IQSEC1: variants seen among roughly 807,000 people sequenced by gnomAD.
IQSEC1 encodes the protein IQ motif and SEC7 domain-containing protein 1.
IQSEC1 carries 31 observed loss-of-function variants against 91.0 expected under a neutral mutation model. That is an observed-to-expected ratio of 0.34 (90% CI 0.26 to 0.46). IQSEC1 has a LOEUF of 0.46. IQSEC1 is among the 20% of genes least tolerant of loss of function. IQSEC1 has a pLI of 1.00. For synonymous variants in IQSEC1, 699 were observed against 662.6 expected (o/e 1.05, Z -0.84); for missense variants, 1,388 against 1,575.6 (o/e 0.88, Z 2.02).
chr3:13,069,820 A>G (rs1467896846), intron 1 of IQSEC1, among the ~76,000 whole-genome samples: 1 of 152,242 alleles, frequency 6.6e-6, no homozygotes, highest in Non-Finnish European at 1.5e-5. Flanking sequence ...TCATTCAGAC[A>G]CCATTCATGA....
At chr3:13,082,213 C>A (rs1039718576) in intron 2 of IQSEC1, among the ~76,000 whole-genome samples, 7 of 152,182 alleles carry the variant, frequency 4.6e-5, no homozygotes, top group African/African-American at 1.7e-4. Context: ...ACGTGTCGGT[C>A]GGTTGTGACA....
chr3:13,131,564 G>T (rs181187477), intron 2 of IQSEC1, among the ~76,000 whole-genome samples: 224 of 130,156 alleles, frequency 1.7e-3, no homozygotes, highest in African/African-American at 6.2e-3. Flanking sequence ...TCAGCTCACC[G>T]CAACCTGTAG....
At position 12,901,364 on chromosome 3, in the gene IQSEC1, T is replaced by C; in HGVS notation, c.2964A>G (p.Ser988=). 6.5e-7 allele frequency: 1 copy of C among 1,535,098 alleles called. No homozygotes were observed. Among genetic ancestry groups the C allele is most frequent in the Non-Finnish European group, 8.8e-7 (1 of 1,140,510 alleles). ...GKPPPQAHLP[S]APALPPPHPP... ...GGTGGGGGGGTGGCAGGGCTGGGGC[T>C]GAGGGCAGGTGGGCCTGGGGAGGGG... Residue 988 remains serine (S), a synonymous_variant, in exon 14 of 14, where the codon TCA becomes TCG. Coordinates refer to ENST00000613206, the MANE Select transcript of IQSEC1 (RefSeq NM_001134382.3).
upstream of IQSEC1, among the ~76,000 whole-genome samples, chr3:13,075,011 C>G (rs959425228): frequency 6.6e-6 from 1 of 152,142 alleles, no homozygotes; most frequent in Non-Finnish European, 1.5e-5. Flanking sequence ...GGTGAGGCAT[C>G]GAACAGAACT....
chr3:12,997,985 G>T (rs942410694), intron 1 of IQSEC1, among the ~76,000 whole-genome samples: 1 of 152,140 alleles, frequency 6.6e-6, no homozygotes, highest in Non-Finnish European at 1.5e-5. Flanking sequence ...CACCAGTGAG[G>T]GATTTGTTAA....
Position 12,899,428 on chromosome 3 carries a change from G to T in IQSEC1, c.*1555C>A, listed in dbSNP as rs1174425174. On this transcript the variant is annotated 3_prime_UTR_variant, in exon 14 of 14. Coordinates refer to ENST00000613206, the MANE Select transcript of IQSEC1 (RefSeq NM_001134382.3). ...ACTGACGGCTGCAGTGGCTCGAAAG[G>T]CTGAAACTACAAAGTATGGCCCGTG... 1 of 1,610,694 alleles carries T rather than the reference G, an allele frequency of 6.2e-7. No individual in the cohort carries two copies. Among genetic ancestry groups the T allele is most frequent in the African/African-American group, 1.3e-5 (1 of 74,898 alleles).
At position 13,221,354 on chromosome 3, in the gene IQSEC1, C is replaced by T. The variant is rs564688434; in HGVS notation, c.273-57221G>A. 1.0e-3 allele frequency among the ~76,000 whole-genome samples: 154 copies of T among 152,328 alleles called. 1 individual carries two copies. Among genetic ancestry groups the T allele is most frequent in the East Asian group, 7.7e-4 (4 of 5,192 alleles). On this transcript the variant is annotated intron_variant, in intron 1 of 15. Coordinates refer to the IQSEC1 transcript ENST00000648114. ...CAGAAGGGTGACACTGTTCCTCCAA[C>T]AGGACATGTCCCTGCGGTAGGAGCC...
chr3:12,902,670 C>CAA (rs1213830618), intron 13 of IQSEC1, 103 bp downstream of exon 13: 29,349 of 185,378 alleles, frequency 0.16, 1,911 homozygotes, highest in Non-Finnish European at 0.18. Flanking sequence ...AAAAAAAAAC[C>CAA]AAAAAAAAAA....
intron 1 of IQSEC1, among the ~76,000 whole-genome samples, chr3:13,032,585 A>T (rs960527402): frequency 5.5e-5 from 8 of 145,322 alleles, no homozygotes; most frequent in Non-Finnish European, 1.1e-4. Flanking sequence ...AGCTTTAAAC[A>T]TTTTTTTTTT....
intron 1 of IQSEC1, among the ~76,000 whole-genome samples, chr3:13,275,016 T>G (rs1304223147): frequency 1.3e-5 from 2 of 152,210 alleles, no homozygotes; most frequent in Non-Finnish European, 2.9e-5. Context: ...GCACCAGCCC[T>G]GGAGGCAGAC....
At chr3:13,023,895 GTGGCTGCCCAGCCTCT>G (rs1009710161) in intron 1 of IQSEC1, among the ~76,000 whole-genome samples, 18 of 152,234 alleles carry the variant, frequency 1.2e-4, no homozygotes, top group African/African-American at 4.3e-4. Flanking sequence ...TGCAGCGGGA[GTGGCTGCCCAGCCTCT>G]TCTTGAACAC....
intron 1 of IQSEC1, among the ~76,000 whole-genome samples, chr3:12,991,777 C>T (rs1315498466): frequency 1.3e-5 from 2 of 152,176 alleles, no homozygotes; most frequent in Non-Finnish European, 2.9e-5. Flanking sequence ...CACAAATGGT[C>T]GCAGTTCTTC....
intron 2 of IQSEC1, among the ~76,000 whole-genome samples, chr3:13,158,924 T>A (rs1707124710): frequency 6.6e-6 from 1 of 151,820 alleles, no homozygotes. Flanking sequence ...ATCACACCAC[T>A]GCATTCCAGC....
intron 1 of IQSEC1, among the ~76,000 whole-genome samples, chr3:13,172,795 G>A (rs1309110365): frequency 3.3e-5 from 5 of 152,160 alleles, no homozygotes; most frequent in Non-Finnish European, 5.9e-5. Context: ...TGGTACCATC[G>A]GCCAGTACGG....
chr3:13,131,998 T>C (rs1273985581), intron 2 of IQSEC1, among the ~76,000 whole-genome samples: 1 of 152,230 alleles, frequency 6.6e-6, no homozygotes, highest in East Asian at 1.9e-4. Flanking sequence ...TTTGAGTCAG[T>C]TTTGATTAAT....
At chr3:13,114,931 C>T (rs1001092721) in intron 2 of IQSEC1, among the ~76,000 whole-genome samples, 1 of 152,154 alleles carries the variant, frequency 6.6e-6, no homozygotes, top group Non-Finnish European at 1.5e-5. Flanking sequence ...CGGTAGGGCC[C>T]ATGCACGGTT....
intron 2 of IQSEC1, among the ~76,000 whole-genome samples, chr3:13,080,923 G>T (rs1271131908): frequency 6.6e-6 from 1 of 152,218 alleles, no homozygotes; most frequent in Non-Finnish European, 1.5e-5. Flanking sequence ...GCTCAAAGAA[G>T]TTCTTCACAG....
intron 1 of IQSEC1, among the ~76,000 whole-genome samples, chr3:13,204,562 C>G (rs1452583646): frequency 6.6e-6 from 1 of 152,222 alleles, no homozygotes; most frequent in Admixed American, 6.5e-5. Flanking sequence ...TGCCCCATCT[C>G]TGCAATGGGG....
At chr3:13,002,452 CAGA>C (rs1702457964) in intron 1 of IQSEC1, among the ~76,000 whole-genome samples, 1 of 150,214 alleles carries the variant, frequency 6.7e-6, no homozygotes, top group African/African-American at 2.5e-5. Context: ...GAGGCAGAGG[CAGA>C]AGGATTGCCT....
Sources: allele counts gnomAD v4.1 joint callset (sites outside exome capture counted in the v4.1 genomes callset), GRCh38; gene constraint gnomAD v4.1.1; transcripts MANE v1.5; gene names NCBI Gene and HGNC (gene_info 2026-07-23, HGNC 2026-07-21).